The following NIPAL3 variants were observed in gnomAD, a reference collection of about 807,000 sequenced individuals.
NIPAL3 encodes the protein NIPA like domain containing 3, also known as NIPA-like protein 3.
A neutral mutation model predicts 47.2 loss-of-function variants in NIPAL3; 41 were observed. The observed-to-expected ratio is 0.87, with a 90% CI of 0.68 to 1.13. The LOEUF is 1.13. Among genes scored for constraint, NIPAL3 ranks in the 50% most tolerant of loss-of-function variants. NIPAL3 has a pLI of 0.00. For synonymous variants in NIPAL3, 194 were observed against 209.6 expected (o/e 0.93, Z 0.64); for missense variants, 449 against 530.1 (o/e 0.85, Z 1.50).
chr1:24,414,531 CTTTTTTTTTTTTTTT>C (rs57135976), upstream of NIPAL3: 6 of 83,162 alleles, frequency 7.2e-5, no homozygotes, highest in Admixed American at 1.4e-4. Context: ...GAAATCCAAG[CTTTTTTTTTTTTTTT>C]TTTTTTTTTG....
In NIPAL3 at chr1:24,469,399, T is replaced by C; in HGVS notation, c.*214T>C. 1 of 540,204 alleles carries C rather than the reference T, an allele frequency of 1.9e-6. No individual in the cohort carries two copies. The highest frequency in any genetic ancestry group is 3.3e-6 in the Non-Finnish European group (1 of 304,386). The allele number at this position is 540,204 out of a possible 1,614,324, so 33.5% of individuals were successfully genotyped here. ...TGGGGGATGGAAGCATTATTCCAGG[T>C]GGACGGGATAGAATCCAGCCTCTGC... On this transcript the variant is annotated 3_prime_UTR_variant, in exon 12 of 12. Coordinates refer to ENST00000374399, the MANE Select transcript of NIPAL3 (RefSeq NM_020448.5).
At chr1:24,453,866 C>G (rs11249117) in intron 7 of NIPAL3, among the ~76,000 whole-genome samples, 1 of 151,988 alleles carries the variant, frequency 6.6e-6, no homozygotes, top group Non-Finnish European at 1.5e-5. Context: ...CGATTGAGCC[C>G]TGAAAAGATC....
At chr1:24,431,919 C>T (rs1644897716) in intron 2 of NIPAL3, among the ~76,000 whole-genome samples, 1 of 151,848 alleles carries the variant, frequency 6.6e-6, no homozygotes, top group Non-Finnish European at 1.5e-5. Flanking sequence ...TTGACCACCC[C>T]ACAACACACA....
intron 10 of NIPAL3, among the ~76,000 whole-genome samples, chr1:24,461,797 A>G (rs1437947136): frequency 6.6e-6 from 1 of 151,790 alleles, no homozygotes; most frequent in East Asian, 1.9e-4. Context: ...TGAACCTGGG[A>G]GGTGGAGGTT....
At chr1:24,445,100 G>C (rs1645594085) in intron 4 of NIPAL3, 85 bp from the exon 5 acceptor site, 2 of 888,956 alleles carry the variant, frequency 2.2e-6, no homozygotes, top group South Asian at 1.5e-5. Context: ...CCAATGCAAA[G>C]AAGCCACCCA....
In NIPAL3 at chr1:24,415,844, G is replaced by A. The variant is rs1643995621; in HGVS notation, c.-318G>A. On this transcript the variant is annotated 5_prime_UTR_variant, in exon 1 of 12. Transcript: ENST00000374399. ...AGGAGGCTGTGCCTCCGGGTTGCACGAAGAGTCCGAGTCATTTCTCAGAAG... is the reference window on the plus strand; with the variant it reads ...AGGAGGCTGTGCCTCCGGGTTGCACAAAGAGTCCGAGTCATTTCTCAGAAG... The A allele has an allele frequency of 3.0e-6, 3 of 985,384 alleles. No individual in the cohort carries two copies. The highest frequency in any genetic ancestry group is 6.1e-5 in the Admixed American group (1 of 16,272). 61.0% of individuals were successfully genotyped at this position (985,384 alleles called of 1,614,324 possible).
chr1:24,413,750 G>T (rs973223891), upstream of NIPAL3: 1 of 152,282 alleles, frequency 6.6e-6, no homozygotes, highest in Non-Finnish European at 1.5e-5. Context: ...TAACATTCGC[G>T]AGTCCACCTT....
At chr1:24,456,352 G>A (rs1570354153) in intron 8 of NIPAL3, 79 bp downstream of exon 8, 2 of 1,586,432 alleles carry the variant, frequency 1.3e-6, no homozygotes, top group African/African-American at 1.3e-5. Flanking sequence ...CGTATGCTGT[G>A]AAGCCACAAG....
At chr1:24,464,190 A>C (rs1646600831) in intron 11 of NIPAL3, 70 bp downstream of exon 11, 1 of 1,207,274 alleles carries the variant, frequency 8.3e-7, no homozygotes, top group Non-Finnish European at 1.2e-6. Context: ...GTTTAAAAAG[A>C]GACAACCAAC....
chr1:24,460,593 C>T (rs1318646183), intron 10 of NIPAL3, 49 bp downstream of exon 10: 19 of 1,479,448 alleles, frequency 1.3e-5, no homozygotes, highest in Non-Finnish European at 1.5e-5. Context: ...TGTAGAATTC[C>T]AAGCAGGTTG....
intron 2 of NIPAL3, among the ~76,000 whole-genome samples, chr1:24,429,514 GA>G (rs1387904856): frequency 1.3e-5 from 2 of 152,094 alleles, no homozygotes; most frequent in African/African-American, 4.8e-5. Flanking sequence ...TTTTCTCCTT[GA>G]ATTTGTATTT....
rs1217201957 is a variant in NIPAL3 at position 24,449,434 on chromosome 1, T to C, written c.395-47T>C. 4 of 1,607,182 alleles carry C rather than the reference T, an allele frequency of 2.5e-6. No individual in the cohort carries two copies. The African/African-American group carries it at 5.3e-5, about 21-fold the overall frequency. On this transcript the variant is annotated intron_variant, in intron 5 of 11. Transcript: ENST00000374399. This position sits in a 1 kb window ranked among gnomAD's most constrained non-coding sequence, Gnocchi z 4.5. ...ATGGCTGAGAACGTGTACTGTATCT[T>C]GGGCCTGTTGTTGCAATGAGTCCGT...
In NIPAL3 at chr1:24,451,709, A is replaced by G. The variant is rs1342919466; in HGVS notation, c.541-1699A>G. On this transcript the variant is annotated intron_variant, in intron 6 of 11. Transcript: ENST00000374399. This position sits in a 1 kb window ranked among gnomAD's most constrained non-coding sequence, Gnocchi z 4.5. ...ACACAGTGAGACCCTGTCTCAAAAA[A>G]AGAAAAAGAAAAAAAAAATCATGGA... 1.3e-5 allele frequency among the ~76,000 whole-genome samples: 2 copies of G among 152,044 alleles called. No homozygotes were observed. Among genetic ancestry groups the G allele is most frequent in the African/African-American group, 4.8e-5 (2 of 41,390 alleles).
chr1:24,419,605 T>C lies in NIPAL3; in HGVS notation c.58T>C (p.Ser20Pro). 1 of 1,614,072 alleles carries C rather than the reference T, an allele frequency of 6.2e-7. No individual in the cohort carries two copies. Among genetic ancestry groups the C allele is most frequent in the Non-Finnish European group, 8.5e-7 (1 of 1,179,992 alleles). Residue 20 changes from serine (S) to proline (P), a missense_variant, in exon 2 of 12, where the codon TCC (serine) becomes CCC (proline). Transcript: ENST00000374399. ...GCAGCAGCTGCCTCCCACAAGTAGC[T>C]CCAGCGCCGTAAGCGAGGCCTCCTT... ...KLQQLPPTSS[S>P]SAVSEASFSY...
intron 2 of NIPAL3, among the ~76,000 whole-genome samples, chr1:24,438,442 T>C (rs2148799052): frequency 6.6e-6 from 1 of 152,288 alleles, no homozygotes; most frequent in Non-Finnish European, 1.5e-5. Flanking sequence ...TTTCAGTTGG[T>C]GGGCCTCCCT....
intron 8 of NIPAL3, 55 bp downstream of exon 8, chr1:24,456,328 TG>T (rs1488771866): frequency 1.2e-6 from 2 of 1,611,298 alleles, no homozygotes; most frequent in Non-Finnish European, 1.7e-6. Flanking sequence ...GCTTCTCTTT[TG>T]GGGGCCTGAT....
chr1:24,467,619 C>T (rs1646753307), intron 11 of NIPAL3, among the ~76,000 whole-genome samples: 1 of 152,228 alleles, frequency 6.6e-6, no homozygotes, highest in East Asian at 1.9e-4. Flanking sequence ...ATTAGTCATC[C>T]TGAGGATCAA....
rs1436331194 is a variant in NIPAL3 at position 24,454,309 on chromosome 1, G to A, written c.637+805G>A. On this transcript the variant is annotated intron_variant, in intron 7 of 11. Transcript: ENST00000374399. The surrounding 1 kb of genome is among the most constrained non-coding windows in gnomAD (Gnocchi z 4.1). ...CAGGGCTGGTGAAGCCTGCTACCGC[G>A]CTGCTCTTGAGTGGCCTCAGGCTAA... 1.7e-6 allele frequency: 2 copies of A among 1,146,262 alleles called. No individual in the cohort carries two copies. The highest frequency in any genetic ancestry group is 3.6e-5 in the South Asian group (2 of 55,046). 71.0% of individuals were successfully genotyped at this position (1,146,262 alleles called of 1,614,324 possible).
At chr1:24,431,315 G>A (rs1421518015) in intron 2 of NIPAL3, among the ~76,000 whole-genome samples, 1 of 152,184 alleles carries the variant, frequency 6.6e-6, no homozygotes, top group Non-Finnish European at 1.5e-5. Flanking sequence ...TGAAGGACAA[G>A]CCTTTCTTTG....
Sources: gnomAD v4.1 joint callset for allele counts (sites outside exome capture counted in the v4.1 genomes callset) on GRCh38, gnomAD v4.1.1 for gene constraint, Gnocchi (gnomAD v3.1) non-coding constraint, MANE v1.5 for transcripts, NCBI Gene and HGNC (gene_info 2026-07-23, HGNC 2026-07-21) for gene names.